The following OXCT1 variants were observed in gnomAD, a reference collection of about 807,000 sequenced individuals.
OXCT1 encodes the protein succinyl-CoA:3-ketoacid coenzyme A transferase 1, mitochondrial.
In OXCT1, 27 loss-of-function variants were observed where a neutral mutation model predicts 69.6. That is an observed-to-expected ratio of 0.39 (90% CI 0.29 to 0.54). The LOEUF is 0.54. Ranked by LOEUF, OXCT1 falls within the 20% of genes least tolerant of loss-of-function variation. The pLI is 0.72. For missense variants in OXCT1, 437 were observed against 650.2 expected (o/e 0.67, Z 3.57); for synonymous variants, 202 against 217.8 (o/e 0.93, Z 0.64).
intron 16 of OXCT1, among the ~76,000 whole-genome samples, chr5:41,734,524 G>C (rs1023240316): frequency 6.6e-6 from 1 of 152,042 alleles, no homozygotes; most frequent in Non-Finnish European, 1.5e-5. Context: ...CAAGTAACTG[G>C]CATACTGCAT....
At chr5:41,795,150 C>G (rs1385106941) in intron 11 of OXCT1, among the ~76,000 whole-genome samples, 1 of 152,162 alleles carries the variant, frequency 6.6e-6, no homozygotes, top group African/African-American at 2.4e-5. Context: ...AAGGAACGGG[C>G]AACCTAGATC....
At position 41,832,198 on chromosome 5, in the gene OXCT1, GGTA is replaced by G. The variant is rs537104398; in HGVS notation, c.732+8250_732+8252del. ...CTTGAGTTAAAATAGGTGGTAGTCA[GGTA>G]GTAGTTAACAGCAGGCCTTGGGCAA... On this transcript the variant is annotated intron_variant, in intron 7 of 16. Transcript: ENST00000196371. Among the ~76,000 whole-genome samples, 27 of 152,334 alleles carry G rather than the reference GGTA, an allele frequency of 1.8e-4. 1 individual carries two copies. The highest frequency in any genetic ancestry group is 6.8e-3 in the Middle Eastern group (2 of 294).
Position 41,755,709 on chromosome 5 carries a change from T to C in OXCT1, c.1339-6102A>G, listed in dbSNP as rs561883338. Among the ~76,000 whole-genome samples the C allele has an allele frequency of 2.4e-4, 37 of 152,238 alleles. No homozygotes were observed. The South Asian group carries it at 7.0e-3, about 29-fold the overall frequency. ...GTCAAGATAAGATAGCTTTCAGCTC[T>C]ATATGAGACCTGTGCTATAGACACA... On this transcript the variant is annotated intron_variant, in intron 14 of 16. Transcript: ENST00000196371.
intron 13 of OXCT1, among the ~76,000 whole-genome samples, chr5:41,786,983 A>AGGTAC (rs1419661015): frequency 2.0e-5 from 3 of 152,354 alleles, no homozygotes; most frequent in African/African-American, 7.2e-5. Flanking sequence ...CTGAAGAGTA[A>AGGTAC]GGTACGGCTG....
At chr5:41,768,841 C>T (rs1240443401) in intron 13 of OXCT1, among the ~76,000 whole-genome samples, 4 of 152,174 alleles carry the variant, frequency 2.6e-5, no homozygotes, top group Admixed American at 2.6e-4. Context: ...TAAAACCCTT[C>T]AGCGCTTCAG....
intron 13 of OXCT1, among the ~76,000 whole-genome samples, chr5:41,793,488 A>G (rs1746027807): frequency 6.6e-6 from 1 of 152,208 alleles, no homozygotes; most frequent in Admixed American, 6.5e-5. Context: ...ATTTCATATT[A>G]AATGACAACT....
At chr5:41,794,951 C>G (rs1746108052) in intron 11 of OXCT1, among the ~76,000 whole-genome samples, 1 of 152,162 alleles carries the variant, frequency 6.6e-6, no homozygotes, top group African/African-American at 2.4e-5. Context: ...CTTGCCTTTG[C>G]ATGATGATAA....
intron 14 of OXCT1, among the ~76,000 whole-genome samples, chr5:41,752,390 T>C (rs757537360): frequency 2.0e-5 from 3 of 152,098 alleles, no homozygotes; most frequent in Non-Finnish European, 4.4e-5. Context: ...TGCTTATATA[T>C]TGCATTTCTT....
At chr5:41,804,006 A>G (rs1746547571) in intron 9 of OXCT1, among the ~76,000 whole-genome samples, 1 of 152,106 alleles carries the variant, frequency 6.6e-6, no homozygotes, top group South Asian at 2.1e-4. Context: ...TGGCACTCTG[A>G]TGAGATTCTA....
At position 41,744,243 on chromosome 5, in the gene OXCT1, G is replaced by A. The variant is rs573588159; in HGVS notation, c.1420-4752C>T. Among the ~76,000 whole-genome samples the A allele has an allele frequency of 3.9e-3, 597 of 152,266 alleles. 3 individuals are homozygous for A. Among genetic ancestry groups the A allele is most frequent in the African/African-American group, 0.014 (568 of 41,532 alleles). On this transcript the variant is annotated intron_variant, in intron 15 of 16. Transcript: ENST00000196371. ...CTCTTTGAAGCAATTGTGAATGGGAGTTCACTCATGATTTGGCTCTCTGTT... is the reference window on the plus strand; with the variant it reads ...CTCTTTGAAGCAATTGTGAATGGGAATTCACTCATGATTTGGCTCTCTGTT...
chr5:41,742,465 C>T (rs777296446), intron 15 of OXCT1, among the ~76,000 whole-genome samples: 2 of 152,120 alleles, frequency 1.3e-5, no homozygotes, highest in African/African-American at 2.4e-5. Context: ...GTGAGGAATG[C>T]ATCTTTCTTT....
chr5:41,849,384 T>C (rs1022415305), intron 5 of OXCT1, among the ~76,000 whole-genome samples: 2 of 152,244 alleles, frequency 1.3e-5, no homozygotes, highest in Non-Finnish European at 2.9e-5. Flanking sequence ...AATGAAATAC[T>C]GGCCAGTGTA....
chr5:41,753,553 G>GGA (rs1743916947), intron 14 of OXCT1, among the ~76,000 whole-genome samples: 1 of 152,026 alleles, frequency 6.6e-6, no homozygotes, highest in Non-Finnish European at 1.5e-5. Flanking sequence ...AGTTGGCTCA[G>GGA]ACACCATCTT....
At chr5:41,794,955 A>G (rs938729533) in intron 11 of OXCT1, among the ~76,000 whole-genome samples, 10 of 152,204 alleles carry the variant, frequency 6.6e-5, no homozygotes, top group Admixed American at 3.3e-4. Flanking sequence ...CCTTTGCATG[A>G]TGATAATGAA....
At chr5:41,869,954 G>A in intron 1 of OXCT1, 4 of 408,424 alleles carry the variant, frequency 9.8e-6, no homozygotes, top group South Asian at 6.5e-5. Flanking sequence ...ATCCAAGGGC[G>A]GGTGCCAGGA....
intron 7 of OXCT1, among the ~76,000 whole-genome samples, chr5:41,808,362 T>C (rs1244413895): frequency 6.6e-6 from 1 of 152,088 alleles, no homozygotes; most frequent in African/African-American, 2.4e-5. Flanking sequence ...GTAGTATTGA[T>C]TTTTGTTTCC....
intron 3 of OXCT1, among the ~76,000 whole-genome samples, chr5:41,857,476 C>T (rs770464713): frequency 1.3e-5 from 2 of 152,166 alleles, no homozygotes; most frequent in Non-Finnish European, 2.9e-5. Flanking sequence ...TTGAGGGGTC[C>T]CCTTGCCCTC....
At chr5:41,828,099 AT>A (rs1037304724) in intron 7 of OXCT1, among the ~76,000 whole-genome samples, 3 of 151,190 alleles carry the variant, frequency 2.0e-5, no homozygotes, top group East Asian at 3.9e-4. Flanking sequence ...TGGCTGTGCA[AT>A]TTTTTTTTGT....
chr5:41,768,418 G>C (rs1429716735), intron 13 of OXCT1, among the ~76,000 whole-genome samples: 1 of 152,114 alleles, frequency 6.6e-6, no homozygotes, highest in Non-Finnish European at 1.5e-5. Flanking sequence ...TTTGGTTCTA[G>C]GTGAATGAGA....
Sources: allele counts gnomAD v4.1 joint callset (sites outside exome capture counted in the v4.1 genomes callset), GRCh38; gene constraint gnomAD v4.1.1; transcripts MANE v1.5; gene names NCBI Gene and HGNC (gene_info 2026-07-23, HGNC 2026-07-21).